TAFA1: variants seen among roughly 807,000 people sequenced by gnomAD.
TAFA1 encodes the protein TAFA chemokine like family member 1.
In TAFA1, 4 loss-of-function variants were observed where a neutral mutation model predicts 18.5. That is an observed-to-expected ratio of 0.22 (90% CI 0.11 to 0.49). The LOEUF is 0.49. Ranked by LOEUF, TAFA1 falls within the 20% of genes least tolerant of loss-of-function variation. The probability of loss-of-function intolerance (pLI) is 0.98; values close to 1 mark genes in which losing one functional copy is unlikely to be tolerated. For synonymous variants in TAFA1, 56 were observed against 55.2 expected (o/e 1.01, Z -0.06); for missense variants, 147 against 169.0 (o/e 0.87, Z 0.72).
intron 2 of TAFA1, among the ~76,000 whole-genome samples, chr3:68,083,984 A>T (rs559367954): frequency 6.6e-6 from 1 of 152,254 alleles, no homozygotes; most frequent in Non-Finnish European, 1.5e-5. Flanking sequence ...TCCCTATTTA[A>T]ATGTCAGAGA....
At chr3:68,304,852 G>A (rs79968903) in intron 2 of TAFA1, among the ~76,000 whole-genome samples, 468 of 152,228 alleles carry the variant, frequency 3.1e-3, no homozygotes, top group African/African-American at 0.01. Flanking sequence ...TTAGTTGGGT[G>A]TTTTCATTTT....
intron 2 of TAFA1, among the ~76,000 whole-genome samples, chr3:68,358,676 T>C (rs1031795637): frequency 1.3e-5 from 2 of 151,928 alleles, no homozygotes; most frequent in African/African-American, 4.8e-5. Context: ...CTCACAGCCC[T>C]CAGATGGAGT....
At chr3:68,035,291 C>T (rs963882386) in intron 2 of TAFA1, among the ~76,000 whole-genome samples, 2 of 152,150 alleles carry the variant, frequency 1.3e-5, no homozygotes, top group African/African-American at 4.8e-5. Context: ...CAGCACAAAC[C>T]TATTTTGCTA....
intron 2 of TAFA1, among the ~76,000 whole-genome samples, chr3:68,303,455 T>C: frequency 6.6e-6 from 1 of 152,090 alleles, no homozygotes; most frequent in Non-Finnish European, 1.5e-5. Context: ...TTTTGTTTTT[T>C]TTTGAGACAG....
intron 2 of TAFA1, among the ~76,000 whole-genome samples, chr3:68,298,419 C>T (rs144759322): frequency 6.6e-6 from 1 of 152,074 alleles, no homozygotes; most frequent in East Asian, 1.9e-4. Context: ...ATGAAAGGGA[C>T]AGAAAAAGGA....
chr3:68,353,427 C>G (rs1396762056), intron 2 of TAFA1, among the ~76,000 whole-genome samples: 1 of 152,070 alleles, frequency 6.6e-6, no homozygotes, highest in African/African-American at 2.4e-5. Context: ...ACAAGGACAT[C>G]ATGTGATTAT....
intron 2 of TAFA1, among the ~76,000 whole-genome samples, chr3:68,100,654 A>G (rs942560255): frequency 2.0e-5 from 3 of 152,180 alleles, no homozygotes; most frequent in African/African-American, 4.8e-5. Flanking sequence ...TATTGACCCA[A>G]TATAAATCTA....
chr3:68,496,768 C>T (rs1389827126), intron 3 of TAFA1, among the ~76,000 whole-genome samples: 1 of 152,146 alleles, frequency 6.6e-6, no homozygotes, highest in Non-Finnish European at 1.5e-5. Context: ...TACACAGTTC[C>T]TTAACCCTTC....
intron 2 of TAFA1, among the ~76,000 whole-genome samples, chr3:68,021,047 A>G (rs549031649): frequency 2.6e-5 from 4 of 151,784 alleles, no homozygotes; most frequent in Non-Finnish European, 4.4e-5. Context: ...TCAGCTGGAC[A>G]TGGTGGCATG....
chr3:68,355,288 A>G (rs1186026695), intron 2 of TAFA1, among the ~76,000 whole-genome samples: 1 of 151,930 alleles, frequency 6.6e-6, no homozygotes, highest in Non-Finnish European at 1.5e-5. Context: ...TTGGGAAGCC[A>G]GGTTGCAGCA....
intron 2 of TAFA1, among the ~76,000 whole-genome samples, chr3:68,374,260 T>C (rs975991894): frequency 4.6e-5 from 7 of 152,130 alleles, no homozygotes; most frequent in Admixed American, 2.6e-4. Context: ...TCCTGGCCAA[T>C]CCACTGAGGT....
chr3:68,118,821 A>G (rs2065353795), intron 2 of TAFA1, among the ~76,000 whole-genome samples: 1 of 152,228 alleles, frequency 6.6e-6, no homozygotes, highest in African/African-American at 2.4e-5. Context: ...ATTGTGAATA[A>G]TGCAGCTATG....
At chr3:68,017,553 T>C (rs550283640) in intron 2 of TAFA1, among the ~76,000 whole-genome samples, 1 of 152,296 alleles carries the variant, frequency 6.6e-6, no homozygotes, top group Admixed American at 6.5e-5. Flanking sequence ...CTTATGTGGG[T>C]TAATTTGCTA....
intron 2 of TAFA1, among the ~76,000 whole-genome samples, chr3:68,008,142 C>T (rs866413101): frequency 5.3e-5 from 8 of 152,212 alleles, no homozygotes; most frequent in African/African-American, 1.9e-4. Flanking sequence ...CGCTGGTGCC[C>T]CTGCAGGTGG....
intron 2 of TAFA1, among the ~76,000 whole-genome samples, chr3:68,185,324 A>C (rs1198978327): frequency 6.6e-6 from 1 of 152,120 alleles, no homozygotes; most frequent in African/African-American, 2.4e-5. Flanking sequence ...AATGGACTTG[A>C]AATACAGAAG....
At chr3:68,375,533 G>A (rs1424738727) in intron 2 of TAFA1, among the ~76,000 whole-genome samples, 1 of 152,084 alleles carries the variant, frequency 6.6e-6, no homozygotes, top group Non-Finnish European at 1.5e-5. Context: ...ATATAAATAA[G>A]CCCAATCAAA....
At chr3:68,206,746 C>A (rs2066531173) in intron 2 of TAFA1, among the ~76,000 whole-genome samples, 1 of 151,912 alleles carries the variant, frequency 6.6e-6, no homozygotes, top group Admixed American at 6.6e-5. Context: ...ATCTTAATTA[C>A]CTTAAGCCCA....
intron 3 of TAFA1, among the ~76,000 whole-genome samples, chr3:68,445,706 A>G (rs1022157709): frequency 1.3e-5 from 2 of 152,090 alleles, no homozygotes; most frequent in African/African-American, 4.8e-5. Flanking sequence ...TAAACAGATG[A>G]TTGGGCCTCA....
chr3:68,350,177 A>G (rs896320059), intron 2 of TAFA1, among the ~76,000 whole-genome samples: 8 of 152,146 alleles, frequency 5.3e-5, no homozygotes, highest in African/African-American at 1.2e-4. Context: ...CAGCGCCTCA[A>G]TCGGCTTTGT....
Sources: gnomAD v4.1 joint callset for allele counts (sites outside exome capture counted in the v4.1 genomes callset) on GRCh38, gnomAD v4.1.1 for gene constraint, MANE v1.5 for transcripts, NCBI Gene and HGNC (gene_info 2026-07-23, HGNC 2026-07-21) for gene names.